Variants in EMSY observed in about 807,000 individuals in gnomAD.
EMSY encodes EMSY transcriptional repressor, BRCA2 interacting.
Under a neutral mutation model 134.6 loss-of-function variants are expected in EMSY, and 26 were observed. The ratio of observed to expected loss-of-function variants is 0.19; its 90% CI spans 0.14 to 0.27. The LOEUF is 0.27. EMSY is among the 10% of genes least tolerant of loss of function. The probability of loss-of-function intolerance (pLI) is 1.00; values close to 1 mark genes in which losing one functional copy is unlikely to be tolerated. For synonymous variants in EMSY, 579 were observed against 577.8 expected (o/e 1.00, Z -0.03); for missense variants, 1,305 against 1,611.4 (o/e 0.81, Z 3.26).
At chr11:76,531,484 C>G (rs1032893860) in intron 14 of EMSY, among the ~76,000 whole-genome samples, 12 of 152,036 alleles carry the variant, frequency 7.9e-5, no homozygotes, top group African/African-American at 2.7e-4. Context: ...TCTGATGTTT[C>G]CTCATGATTA....
chr11:76,449,675 TA>T (rs1244761648), intron 2 of EMSY, among the ~76,000 whole-genome samples: 5 of 152,192 alleles, frequency 3.3e-5, no homozygotes, highest in Non-Finnish European at 5.9e-5. Flanking sequence ...TCCTATCAAA[TA>T]AAAACATTTT....
chr11:76,463,602 C>G (rs1948222976), intron 6 of EMSY, among the ~76,000 whole-genome samples: 1 of 142,002 alleles, frequency 7.0e-6, no homozygotes. Context: ...CGCAGTCCGG[C>G]CTGGGTGACA....
chr11:76,471,646 A>T (rs927762092), intron 7 of EMSY, among the ~76,000 whole-genome samples: 1 of 151,968 alleles, frequency 6.6e-6, no homozygotes, highest in Non-Finnish European at 1.5e-5. Context: ...AATTTGTCTG[A>T]TGTTCTTCTC....
At chr11:76,479,037 C>T (rs1264151187) in intron 8 of EMSY, among the ~76,000 whole-genome samples, 1 of 151,666 alleles carries the variant, frequency 6.6e-6, no homozygotes, top group Non-Finnish European at 1.5e-5. Context: ...AACTATATAC[C>T]CTTTCAGAAT....
chr11:76,464,493 A>T (rs925536930), intron 7 of EMSY, among the ~76,000 whole-genome samples: 35 of 152,350 alleles, frequency 2.3e-4, no homozygotes, highest in African/African-American at 7.7e-4. Flanking sequence ...AATTAAGTGA[A>T]TAACTTTTGT....
At chr11:76,516,445 T>C (rs762624188) in intron 11 of EMSY, 133 bp downstream of exon 12, 125 of 546,646 alleles carry the variant, frequency 2.3e-4, no homozygotes, top group Non-Finnish European at 3.3e-4. Context: ...TTAGTCCTTA[T>C]GTTTCATGAT....
At chr11:76,542,347 A>G (rs762947112) in exon 18 of EMSY, 9 of 1,614,148 alleles carry the variant, frequency 5.6e-6, no homozygotes, top group Non-Finnish European at 7.6e-6. Flanking sequence ...CCCTGGAGCA[A>G]TCACCCACAT....
intron 13 of EMSY, 148 bp from the exon 15 acceptor site, chr11:76,528,120 A>G (rs1950908516): frequency 1.5e-6 from 1 of 683,156 alleles, no homozygotes; most frequent in Non-Finnish European, 2.5e-6. Flanking sequence ...AGATTGAATT[A>G]CCCTTTGATG....
At chr11:76,477,211 T>C (rs1202202003) in intron 8 of EMSY, among the ~76,000 whole-genome samples, 2 of 151,762 alleles carry the variant, frequency 1.3e-5, no homozygotes, top group Admixed American at 1.3e-4. Flanking sequence ...ATTACTGTAT[T>C]TAAAAGTCAC....
chr11:76,524,057 A>G (rs1565345974), intron 12 of EMSY, among the ~76,000 whole-genome samples: 1 of 152,058 alleles, frequency 6.6e-6, no homozygotes, highest in African/African-American at 2.4e-5. Flanking sequence ...CTCAAACAAA[A>G]AATAAATAAA....
At chr11:76,453,225 C>A in intron 3 of EMSY, 89 bp from the exon 4 acceptor site, 1 of 1,178,348 alleles carries the variant, frequency 8.5e-7, no homozygotes, top group Non-Finnish European at 1.2e-6. Context: ...CCCCCTTCTC[C>A]CCCCAAAAAT....
At chr11:76,532,674 T>G (rs1232182886) in intron 14 of EMSY, among the ~76,000 whole-genome samples, 1 of 152,150 alleles carries the variant, frequency 6.6e-6, no homozygotes, top group Non-Finnish European at 1.5e-5. Flanking sequence ...TAAGGTGGAT[T>G]AAAATATAAG....
At chr11:76,506,852 C>T (rs1400719844) in intron 9 of EMSY, among the ~76,000 whole-genome samples, 1 of 152,092 alleles carries the variant, frequency 6.6e-6, no homozygotes. Context: ...GAAATTTATC[C>T]TACAGATACA....
At chr11:76,509,337 A>G (rs1294844197) in intron 9 of EMSY, among the ~76,000 whole-genome samples, 1 of 152,154 alleles carries the variant, frequency 6.6e-6, no homozygotes, top group African/African-American at 2.4e-5. Flanking sequence ...TACTAAAAAT[A>G]CAAAAATAAA....
chr11:76,533,915 A>G (rs2136484623), intron 14 of EMSY, among the ~76,000 whole-genome samples: 1 of 152,326 alleles, frequency 6.6e-6, no homozygotes, highest in Non-Finnish European at 1.5e-5. Flanking sequence ...AGCCAAAAGT[A>G]GGAGAGAGAA....
At chr11:76,491,713 T>C (rs1340712299) in intron 8 of EMSY, among the ~76,000 whole-genome samples, 1 of 152,204 alleles carries the variant, frequency 6.6e-6, no homozygotes, top group Non-Finnish European at 1.5e-5. Context: ...CCCACTTAGG[T>C]TCTAACTTTA....
chr11:76,473,866 A>G (rs1225454185), intron 8 of EMSY, among the ~76,000 whole-genome samples: 1 of 152,022 alleles, frequency 6.6e-6, no homozygotes, highest in Admixed American at 6.5e-5. Flanking sequence ...ATGGTAATGC[A>G]CACCTGTAAT....
At position 76,472,991 on chromosome 11, in the gene EMSY, A is replaced by G. The variant is rs546166223; in HGVS notation, c.1108+151A>G. 7 of 782,644 alleles carry G rather than the reference A, an allele frequency of 8.9e-6. No homozygotes were observed. In the East Asian group the frequency reaches 1.6e-4, roughly 18 times the overall value. The allele number at this position is 782,644 out of a possible 1,614,324, so 48.5% of individuals were successfully genotyped here. ...CGTGTACCCCAGTTTGAGAATGTCAAGATGGTCGGTGATTCCATTTTCTTA... is the reference window on the plus strand; with the variant it reads ...CGTGTACCCCAGTTTGAGAATGTCAGGATGGTCGGTGATTCCATTTTCTTA... On this transcript the variant is annotated intron_variant, in intron 8 of 20. Transcript: ENST00000334736.
intron 4 of EMSY, among the ~76,000 whole-genome samples, chr11:76,455,265 G>A (rs1292422562): frequency 6.6e-6 from 1 of 151,864 alleles, no homozygotes; most frequent in African/African-American, 2.4e-5. Context: ...GTTTACTTCA[G>A]TGTATAATTT....
Sources: allele counts gnomAD v4.1 joint callset (sites outside exome capture counted in the v4.1 genomes callset), GRCh38; gene constraint gnomAD v4.1.1; transcripts MANE v1.5; gene names NCBI Gene and HGNC (gene_info 2026-07-23, HGNC 2026-07-21).